CDKL5: variants seen among roughly 807,000 people sequenced by gnomAD.
The protein encoded by CDKL5 is cyclin dependent kinase like 5.
Under a neutral mutation model 61.7 loss-of-function variants are expected in CDKL5, and 8 were observed. The observed-to-expected ratio is 0.13, with a 90% CI of 0.08 to 0.23. The LOEUF (loss-of-function observed/expected upper bound fraction) is 0.23. Among genes scored for constraint, CDKL5 ranks in the 10% least tolerant of loss-of-function variants. CDKL5 has a pLI of 1.00. For missense variants in CDKL5, 440 were observed against 734.5 expected, an observed-to-expected ratio of 0.60 and a Z score of 4.63; for synonymous variants, 275 against 272.3, an observed-to-expected ratio of 1.01 and a Z score of -0.10.
chrX:18,632,366 A>G lies in CDKL5; in HGVS notation c.*3609A>G. ...GGTTAGCATCCTTAGAAAATCTTTC[A>G]TAGAGCCATGAGGCTTATATTTAGA... On this transcript the variant is annotated 3_prime_UTR_variant, in exon 18 of 18. Coordinates refer to ENST00000623535, the MANE Select transcript of CDKL5 (RefSeq NM_001323289.2). The G allele has an allele frequency of 1.3e-6, 1 of 754,298 alleles. No homozygotes were observed. 62.2% of individuals were successfully genotyped at this position (754,298 alleles called of 1,213,427 possible).
At chrX:18,644,349 G>T, downstream of CDKL5, 1 of 870,562 alleles carries the variant, frequency 1.1e-6, no homozygotes, top group Non-Finnish European at 1.7e-6. Flanking sequence ...TCTGACAGAG[G>T]GCAGTGACAG....
downstream of CDKL5, chrX:18,641,681 T>C (rs996602059): frequency 2.8e-5 from 8 of 284,784 alleles, no homozygotes; most frequent in Non-Finnish European, 3.7e-5. Context: ...TGTGTTCCCC[T>C]GAGACTGCAC....
At chrX:18,520,994 C>T (rs973059825) in intron 3 of CDKL5, among the ~76,000 whole-genome samples, 1 of 112,492 alleles carries the variant, frequency 8.9e-6, no homozygotes, top group Non-Finnish European at 1.9e-5. Flanking sequence ...CTACCTTGGC[C>T]TCCCAAAGTG....
chrX:18,564,888 G>C (rs1924917423), intron 4 of CDKL5, among the ~76,000 whole-genome samples: 1 of 111,276 alleles, frequency 9.0e-6, no homozygotes, highest in Non-Finnish European at 1.9e-5. Context: ...TACTTCTGTG[G>C]GTCCACATAA....
At chrX:18,516,498 A>G (rs1049103599) in intron 3 of CDKL5, among the ~76,000 whole-genome samples, 2 of 109,916 alleles carry the variant, frequency 1.8e-5, no homozygotes, top group Admixed American at 2.0e-4. Flanking sequence ...AATATTTTGT[A>G]TTTGAGATTT....
intron 3 of CDKL5, among the ~76,000 whole-genome samples, chrX:18,550,086 A>T (rs1204264597): frequency 1.8e-5 from 2 of 111,674 alleles, no homozygotes; most frequent in East Asian, 5.7e-4. Flanking sequence ...GCCACGCTGT[A>T]GCTGACACTG....
At chrX:18,492,045 A>G (rs1889449239) in intron 1 of CDKL5, among the ~76,000 whole-genome samples, 1 of 111,096 alleles carries the variant, frequency 9.0e-6, no homozygotes, top group African/African-American at 3.3e-5. Context: ...TCATTAGAAT[A>G]TGTTTTTAGT....
chrX:18,442,037 A>G (rs1009707163), intron 1 of CDKL5, among the ~76,000 whole-genome samples: 1 of 110,086 alleles, frequency 9.1e-6, no homozygotes, highest in Non-Finnish European at 1.9e-5. Context: ...ATTTTTCACT[A>G]TTGTCTTAAG....
chrX:18,606,157 G>A (rs776634946), intron 12 of CDKL5, among the ~76,000 whole-genome samples: 3 of 107,249 alleles, frequency 2.8e-5, no homozygotes, highest in African/African-American at 7.1e-5. Flanking sequence ...CTTCAGCCTG[G>A]TGACAGAGCA....
At chrX:18,537,607 G>A (rs891835184) in intron 3 of CDKL5, among the ~76,000 whole-genome samples, 1 of 111,874 alleles carries the variant, frequency 8.9e-6, no homozygotes, top group Non-Finnish European at 1.9e-5. Context: ...CTACAGAACG[G>A]TTTTATCACA....
intron 1 of CDKL5, among the ~76,000 whole-genome samples, chrX:18,501,551 A>AT (rs1187799733): frequency 4.6e-5 from 5 of 108,648 alleles, no homozygotes; most frequent in East Asian, 2.9e-4. Context: ...AAAAATTTTT[A>AT]TTTTTTTTTA....
chrX:18,510,983 G>A, intron 3 of CDKL5, 129 bp downstream of exon 3: 1 of 519,075 alleles, frequency 1.9e-6, no homozygotes, highest in Non-Finnish European at 3.2e-6. Context: ...GACCAGAAAT[G>A]TTTTGGATTT....
intron 3 of CDKL5, among the ~76,000 whole-genome samples, chrX:18,555,429 G>C (rs145011020): frequency 2.4e-4 from 27 of 112,117 alleles, no homozygotes; most frequent in Non-Finnish European, 4.1e-4. Context: ...AGATTCATTC[G>C]TAGTGATAAA....
chrX:18,503,358 A>G (rs777040339), intron 1 of CDKL5, among the ~76,000 whole-genome samples: 6 of 111,567 alleles, frequency 5.4e-5, no homozygotes, highest in Non-Finnish European at 7.5e-5. Flanking sequence ...TAATTTTTAT[A>G]TATTTTGTTG....
intron 3 of CDKL5, among the ~76,000 whole-genome samples, chrX:18,556,190 G>A (rs1339347539): frequency 1.8e-5 from 2 of 111,813 alleles, no homozygotes; most frequent in African/African-American, 6.5e-5. Flanking sequence ...TTTCTACACA[G>A]TAAAAAAGAT....
chrX:18,610,849 C>T (rs1351973170), intron 14 of CDKL5, among the ~76,000 whole-genome samples: 1 of 112,150 alleles, frequency 8.9e-6, no homozygotes, highest in African/African-American at 3.2e-5. Context: ...AGAGTCACCA[C>T]AGCTTTCTAA....
At chrX:18,580,779 C>T (rs1925454251) in intron 6 of CDKL5, among the ~76,000 whole-genome samples, 1 of 111,976 alleles carries the variant, frequency 8.9e-6, no homozygotes, top group Non-Finnish European at 1.9e-5. Flanking sequence ...AAGAATGCTA[C>T]ATTTTAATTT....
At chrX:18,441,385 A>T (rs895599627) in intron 1 of CDKL5, among the ~76,000 whole-genome samples, 3 of 110,890 alleles carry the variant, frequency 2.7e-5, no homozygotes, top group African/African-American at 9.9e-5. Flanking sequence ...ACTGCACTCT[A>T]GCCTGGGTGA....
In CDKL5 at chrX:18,572,985, T is replaced by C. The variant is rs913994101; in HGVS notation, c.146-2369T>C. ...ATAATGGGGATGGAGGCCTACTTGCTTTTGTGGTCTGGGAAAGGCTCTAGA... is the reference window on the plus strand; with the variant it reads ...ATAATGGGGATGGAGGCCTACTTGCCTTTGTGGTCTGGGAAAGGCTCTAGA... On this transcript the variant is annotated intron_variant, in intron 4 of 17. Transcript: ENST00000623535. Among the ~76,000 whole-genome samples, 4 of 111,723 alleles carry C rather than the reference T, an allele frequency of 3.6e-5. No individual in the cohort carries two copies. In the Admixed American group the frequency reaches 3.8e-4, roughly 11 times the overall value.
Sources: allele counts gnomAD v4.1 joint callset (sites outside exome capture counted in the v4.1 genomes callset), GRCh38; gene constraint gnomAD v4.1.1; transcripts MANE v1.5; gene names NCBI Gene and HGNC (gene_info 2026-07-23, HGNC 2026-07-21).